Variants in ZNF577 observed in about 807,000 individuals in gnomAD.
ZNF577 encodes the protein zinc finger protein 577.
ZNF577 carries 14 observed loss-of-function variants against 13.9 expected under a neutral mutation model. That is an observed-to-expected ratio of 1.00 (90% confidence interval 0.66 to 1.57). The LOEUF (loss-of-function observed/expected upper bound fraction) is 1.57, where lower values mean the gene tolerates loss of function less well. Among genes scored for constraint, ZNF577 ranks in the 40% most tolerant of loss-of-function variants. The probability of loss-of-function intolerance (pLI) is 0.00; values close to 1 mark genes in which losing one functional copy is unlikely to be tolerated. For missense variants in ZNF577, 555 were observed against 579.2 expected, an observed-to-expected ratio of 0.96 and a Z score of 0.43; for synonymous variants, 203 against 202.9, an observed-to-expected ratio of 1.00 and a Z score of 0.00.
At position 51,873,575 on chromosome 19, in the gene ZNF577, T is replaced by C; in HGVS notation, c.415A>G (p.Ser139Gly). 1 of 1,614,246 alleles carries C rather than the reference T, an allele frequency of 6.2e-7. No homozygotes were observed. The highest frequency in any genetic ancestry group is 1.1e-5 in the South Asian group (1 of 91,086). Residue 139 changes from serine to glycine, a missense_variant, in exon 6 of 6, where the codon AGC (serine) becomes GGC (glycine). Transcript: ENST00000638348. Reference protein sequence around the residue: ...GVKYHRCVKPSSPKSQLNDLQ... With the variant: ...GVKYHRCVKPGSPKSQLNDLQ... ...TCATTGAGCTGTGATTTAGGGCTGC[T>C]GGGTTTAACACATCTATGGTATTTA...
At chr19:51,808,872 T>C (rs1188677018) in intron 10 of ZNF577, among the ~76,000 whole-genome samples, 1 of 152,222 alleles carries the variant, frequency 6.6e-6, no homozygotes, top group Non-Finnish European at 1.5e-5. Context: ...GTTCTTTTAC[T>C]AGCTGCTGAA....
In ZNF577 at chr19:51,868,474, G is replaced by A. The variant is rs1169820716; in HGVS notation, c.*4058C>T. On this transcript the variant is annotated 3_prime_UTR_variant, in exon 6 of 6. Coordinates refer to ENST00000638348, the MANE Select transcript of ZNF577 (RefSeq NM_001370449.1). ...CCCACACAACAATGGGATTCTGTAG[G>A]ACTGCTTCCCACCTCAGCCACACAG... Among the ~76,000 whole-genome samples the A allele has an allele frequency of 6.6e-6, 1 of 152,092 alleles. No individual in the cohort carries two copies. Among genetic ancestry groups the A allele is most frequent in the African/African-American group, 2.4e-5 (1 of 41,412 alleles).
At chr19:51,881,860 C>T (rs74980185) in intron 1 of ZNF577, among the ~76,000 whole-genome samples, 7,703 of 152,258 alleles carry the variant, frequency 0.051, 285 homozygotes, top group Middle Eastern at 0.085. Flanking sequence ...AAGAACCACT[C>T]TAGAAACTCA....
In ZNF577 at chr19:51,871,326, A is replaced by G. The variant is rs10419614; in HGVS notation, c.*1206T>C. On this transcript the variant is annotated 3_prime_UTR_variant, in exon 6 of 6. Transcript: ENST00000638348. ...TAGAGGTAGTCTCGCTATGTTGCCC[A>G]GGGTGGTCTCAAACTTGCGGGCTCA... The G allele has an allele frequency of 0.12, 17,241 of 148,766 alleles. 1,958 individuals carry two copies. Among genetic ancestry groups the G allele is most frequent in the African/African-American group, 0.28 (11,213 of 40,586 alleles). 9.2% of individuals were successfully genotyped at this position (148,766 alleles called of 1,614,324 possible).
chr19:51,836,104 T>C (rs555825977), intron 9 of ZNF577, among the ~76,000 whole-genome samples: 4 of 152,204 alleles, frequency 2.6e-5, no homozygotes, highest in African/African-American at 9.6e-5. Context: ...TGGCAATAAA[T>C]GGAAGAAAAA....
chr19:51,847,110 C>T (rs144823789), intron 5 of ZNF577, among the ~76,000 whole-genome samples: 1 of 152,272 alleles, frequency 6.6e-6, no homozygotes, highest in African/African-American at 2.4e-5. Context: ...GTACTAATTT[C>T]AAGTGTATAC....
downstream of ZNF577, among the ~76,000 whole-genome samples, chr19:51,866,595 G>A (rs1337634910): frequency 6.6e-6 from 1 of 152,184 alleles, no homozygotes; most frequent in Non-Finnish European, 1.5e-5. Context: ...AAAGAACTGT[G>A]AGACAATAAA....
rs1040006436 is a variant in ZNF577, at chr19:51,867,302, G to A, written c.*5230C>T. On this transcript the variant is annotated 3_prime_UTR_variant, in exon 6 of 6. Coordinates refer to ENST00000638348, the MANE Select transcript of ZNF577 (RefSeq NM_001370449.1). ...CGGGGCTTTTATCGTTTTTTTCTTC[G>A]GTTCTTAGGAAAAGGATATCATTTC... Among the ~76,000 whole-genome samples, 34 of 152,044 alleles carry A rather than the reference G, an allele frequency of 2.2e-4. No homozygotes were observed. Among genetic ancestry groups the A allele is most frequent in the African/African-American group, 4.6e-4 (19 of 41,470 alleles).
Position 51,808,757 on chromosome 19 carries a change from G to C in ZNF577, c.*817+2700C>G, listed in dbSNP as rs554405415. 3.9e-5 allele frequency among the ~76,000 whole-genome samples: 6 copies of C among 152,334 alleles called. No homozygotes were observed. The South Asian group carries it at 1.2e-3, about 32-fold the overall frequency. On this transcript the variant is annotated intron_variant and NMD_transcript_variant, in intron 10 of 10. Coordinates refer to the ZNF577 transcript ENST00000638827. ...TTTGTAAGGCACCCATCAGTTTTAT[G>C]TGTACATGAATAGCTCTTAAATCAT...
At position 51,869,800 on chromosome 19, in the gene ZNF577, C is replaced by T. The variant is rs1254791941; in HGVS notation, c.*2732G>A. Among the ~76,000 whole-genome samples, 4 of 152,182 alleles carry T rather than the reference C, an allele frequency of 2.6e-5. No homozygotes were observed. Among genetic ancestry groups the T allele is most frequent in the African/African-American group, 9.7e-5 (4 of 41,436 alleles). On this transcript the variant is annotated 3_prime_UTR_variant, in exon 6 of 6. Coordinates refer to ENST00000638348, the MANE Select transcript of ZNF577 (RefSeq NM_001370449.1). ...CGCTAACTAGAATAAGTTGTTAGGC[C>T]TCCTAACTGTACTTCCCATAAACCT...
chr19:51,879,142 A>G (rs2084817636), intron 3 of ZNF577, among the ~76,000 whole-genome samples: 1 of 152,114 alleles, frequency 6.6e-6, no homozygotes, highest in Non-Finnish European at 1.5e-5. Flanking sequence ...CTGTAGTCCC[A>G]GCGACTTGGG....
At chr19:51,806,864 G>A (rs2084062450) in intron 10 of ZNF577, among the ~76,000 whole-genome samples, 11 of 152,238 alleles carry the variant, frequency 7.2e-5, no homozygotes, top group Admixed American at 7.2e-4. Context: ...CTATGCGAAT[G>A]GCTAAATTTA....
At chr19:51,823,864 T>C in intron 9 of ZNF577, 1 of 1,614,038 alleles carries the variant, frequency 6.2e-7, no homozygotes, top group Non-Finnish European at 8.5e-7. Context: ...ACCTTTGTCT[T>C]CGGGGTCCTG....
At chr19:51,810,424 T>A (rs1352329845) in intron 10 of ZNF577, among the ~76,000 whole-genome samples, 1 of 152,206 alleles carries the variant, frequency 6.6e-6, no homozygotes, top group Admixed American at 6.5e-5. Flanking sequence ...CCTGTGACCC[T>A]TGCATATGTA....
chr19:51,868,640 A>G lies in ZNF577; in HGVS notation c.*3892T>C, dbSNP rs1291953299. On this transcript the variant is annotated 3_prime_UTR_variant, in exon 6 of 6. Transcript: ENST00000638348. ...GTTGCCTACAGAAGCCCCAGCAAGC[A>G]CCGGCTAAGGTTCTGACTACTACCG... Among the ~76,000 whole-genome samples, 1 of 152,182 alleles carries G rather than the reference A, an allele frequency of 6.6e-6. No individual in the cohort carries two copies. Among genetic ancestry groups the G allele is most frequent in the Admixed American group, 6.5e-5 (1 of 15,276 alleles).
chr19:51,857,365 G>GGAAGGAAAGAAAGAAA lies in ZNF577; in HGVS notation c.284-12435_284-12434insTTTCTTTCTTTCCTTC, dbSNP rs1338621079. 1.2e-3 allele frequency among the ~76,000 whole-genome samples: 111 copies of GGAAGGAAAGAAAGAAA among 93,340 alleles called. 1 individual carries two copies. The highest frequency in any genetic ancestry group is 4.3e-3 in the African/African-American group (90 of 20,834). The allele number at this position is 93,340 out of a possible 152,430, so 61.2% of individuals were successfully genotyped here. On this transcript the variant is annotated intron_variant and NMD_transcript_variant, in intron 5 of 10. Coordinates refer to the ZNF577 transcript ENST00000638827. ...AAGAAAGAGAGAAAGAAAGAAGGAA[G>GGAAGGAAAGAAAGAAA]GAAAGAAAGAAAGAAAGAAAGAAAG...
chr19:51,808,941 G>C lies in ZNF577; in HGVS notation c.*817+2516C>G, dbSNP rs140800604. On this transcript the variant is annotated intron_variant and NMD_transcript_variant, in intron 10 of 10. Coordinates refer to the ZNF577 transcript ENST00000638827. ...GATCCACCCACACGGGTTTGTCACTGAGCCATTCTAATAGTGAGGCAGTGG... is the reference window on the plus strand; with the variant it reads ...GATCCACCCACACGGGTTTGTCACTCAGCCATTCTAATAGTGAGGCAGTGG... Among the ~76,000 whole-genome samples, 14 of 152,314 alleles carry C rather than the reference G, an allele frequency of 9.2e-5. No individual in the cohort carries two copies. In the East Asian group the frequency reaches 1.9e-3, roughly 21 times the overall value.
At position 51,868,118 on chromosome 19, in the gene ZNF577, T is replaced by G. The variant is rs1048342343; in HGVS notation, c.*4414A>C. 5.3e-5 allele frequency among the ~76,000 whole-genome samples: 8 copies of G among 152,222 alleles called. No individual in the cohort carries two copies. The highest frequency in any genetic ancestry group is 7.3e-5 in the Non-Finnish European group (5 of 68,036). On this transcript the variant is annotated 3_prime_UTR_variant, in exon 6 of 6. Transcript: ENST00000638348. The stretch of plus-strand genomic sequence containing the variant: ...TCTGTGCACCAGCAGTTGTAGGTTT[T>G]TAAGTGTGTCAAATTTCTTTATACA...
At position 51,878,371 on chromosome 19, in the gene ZNF577, C is replaced by T. The variant is rs773998001; in HGVS notation, c.187+18G>A. 1.1e-5 allele frequency: 18 copies of T among 1,610,950 alleles called. No individual in the cohort carries two copies. The highest frequency in any genetic ancestry group is 4.4e-5 in the South Asian group (4 of 90,800). On this transcript the variant is annotated intron_variant, in intron 4 of 5. Transcript: ENST00000638348. ...CAAATAAGAAAGAAAAGGTAAGTGA[C>T]GGCAATGCTGTCCTTACCTATTGAT...
Sources: gnomAD v4.1 joint callset for allele counts (sites outside exome capture counted in the v4.1 genomes callset) on GRCh38, gnomAD v4.1.1 for gene constraint, MANE v1.5 for transcripts, NCBI Gene and HGNC (gene_info 2026-07-23, HGNC 2026-07-21) for gene names.